MYO1H: variants seen among roughly 807,000 people sequenced by gnomAD.
MYO1H encodes the protein myosin IH, also known as unconventional myosin-Ih.
Under a neutral mutation model 149.3 loss-of-function variants are expected in MYO1H, and 118 were observed. That is an observed-to-expected ratio of 0.79 (90% CI 0.68 to 0.92). The LOEUF (loss-of-function observed/expected upper bound fraction) is 0.92. Ranked by LOEUF, MYO1H falls within the 40% of genes least tolerant of loss-of-function variation. The pLI is 0.00. For missense variants in MYO1H, 1,212 were observed against 1,280.7 expected, an observed-to-expected ratio of 0.95 and a Z score of 0.82; for synonymous variants, 447 against 465.2, an observed-to-expected ratio of 0.96 and a Z score of 0.50.
chr12:109,405,511 A>C (rs1173953996), intron 7 of MYO1H, among the ~76,000 whole-genome samples: 1 of 152,104 alleles, frequency 6.6e-6, no homozygotes, highest in Non-Finnish European at 1.5e-5. Context: ...GGGTTTCACC[A>C]TGTTGGCCAG....
At chr12:109,330,429 C>T in the MYO1H span, among the ~76,000 whole-genome samples, 1 of 152,122 alleles carries the variant, frequency 6.6e-6, no homozygotes, top group Non-Finnish European at 1.5e-5. Flanking sequence ...TCTGAATGTG[C>T]CTGATGGACA....
At chr12:109,395,960 C>A (rs1869880145) in intron 3 of MYO1H, among the ~76,000 whole-genome samples, 1 of 151,640 alleles carries the variant, frequency 6.6e-6, no homozygotes, top group Non-Finnish European at 1.5e-5. Flanking sequence ...GCTGTGTTGC[C>A]CAGCCTGGAG....
At chr12:109,325,722 C>T in the MYO1H span, among the ~76,000 whole-genome samples, 2 of 152,044 alleles carry the variant, frequency 1.3e-5, no homozygotes, top group Non-Finnish European at 2.9e-5. Context: ...GGAATTTAAA[C>T]AAATATACAA....
At chr12:109,413,039 C>T (rs1252583182) in intron 14 of MYO1H, among the ~76,000 whole-genome samples, 24 of 151,936 alleles carry the variant, frequency 1.6e-4, no homozygotes, top group African/African-American at 5.1e-4. Flanking sequence ...TGTAGTAGGG[C>T]GATCTCGGCT....
the MYO1H span, among the ~76,000 whole-genome samples, chr12:109,320,455 C>CAAAAAAAAAA: frequency 9.5e-5 from 6 of 63,324 alleles, no homozygotes; most frequent in African/African-American, 1.3e-4. Context: ...ATTAAAAATA[C>CAAAAAAAAAA]AAAAAAAAAA....
rs1377117036 is a variant in MYO1H at position 109,394,792 on chromosome 12, C to T, written c.290+1346C>T. On this transcript the variant is annotated intron_variant, in intron 3 of 31. Coordinates refer to ENST00000310903, the Ensembl canonical transcript of MYO1H. ...CCATATATATGTTGAGACAGGGTCT[C>T]GCTTTGTCACCCAGACTGGAGAGCA... is the stretch of plus-strand genomic sequence containing the variant. Among the ~76,000 whole-genome samples, 8 of 152,176 alleles carry T rather than the reference C, an allele frequency of 5.3e-5. No homozygotes were observed. In the South Asian group the frequency reaches 8.3e-4, roughly 16 times the overall value.
intron 7 of MYO1H, among the ~76,000 whole-genome samples, chr12:109,405,021 G>A (rs989924468): frequency 6.6e-6 from 1 of 151,844 alleles, no homozygotes; most frequent in African/African-American, 2.4e-5. Flanking sequence ...GACTAGCCTG[G>A]GGAACATAGT....
At chr12:109,407,848 A>G (rs1333452485) in exon 10 of MYO1H, 1 of 1,613,880 alleles carries the variant, frequency 6.2e-7, no homozygotes, top group Admixed American at 1.7e-5. Flanking sequence ...TGCAATGGCA[A>G]AGGCTGTTTA....
At position 109,388,194 on chromosome 12, in the gene MYO1H, AG is replaced by A. The variant is rs367653918; in HGVS notation, c.13-488del. Among the ~76,000 whole-genome samples the A allele has an allele frequency of 2.3e-3, 315 of 138,126 alleles. 2 individuals are homozygous for A. The highest frequency in any genetic ancestry group is 9.9e-3 in the African/African-American group (277 of 28,112). The allele number at this position is 138,126 out of a possible 152,430, so 90.6% of individuals were successfully genotyped here. On this transcript the variant is annotated intron_variant, in intron 1 of 31. Transcript: ENST00000310903. ...ATAAAGAAAAATTAATTTTAAAAAA[AG>A]AAAAAATTCAAGCTTGACTAATCAA...
At chr12:109,375,241 C>T (rs577386213) in intron 1 of MYO1H, among the ~76,000 whole-genome samples, 3 of 151,912 alleles carry the variant, frequency 2.0e-5, no homozygotes, top group Non-Finnish European at 4.4e-5. Flanking sequence ...CAGCCTCCAC[C>T]TCCCAGGCTC....
At position 109,439,743 on chromosome 12, in the gene MYO1H, A is replaced by G. The variant is rs745875636; in HGVS notation, c.2407A>G (p.Thr803Ala). 3.1e-6 allele frequency: 5 copies of G among 1,614,004 alleles called. No homozygotes were observed. In the South Asian group the frequency reaches 3.3e-5, roughly 11 times the overall value. Residue 803 changes from threonine (T) to alanine (A), a missense_variant, in exon 24 of 32, where the codon ACT (threonine) becomes GCT (alanine). Transcript: ENST00000310903. ...GAATCTCCGGTATCACCTTCCAAAG[A>G]CTGTCCTGGACAAGAGCTGGCTGAG...
At chr12:109,330,184 A>G in the MYO1H span, among the ~76,000 whole-genome samples, 2 of 152,190 alleles carry the variant, frequency 1.3e-5, no homozygotes, top group African/African-American at 2.4e-5. Context: ...GAGAGGGTAT[A>G]TGGAACTGCC....
chr12:109,327,774 A>C, the MYO1H span, among the ~76,000 whole-genome samples: 1 of 151,298 alleles, frequency 6.6e-6, no homozygotes, highest in Non-Finnish European at 1.5e-5. Context: ...AAAAAAAGAA[A>C]AAGTGCCTCT....
chr12:109,381,970 A>T (rs1009660495), intron 1 of MYO1H, among the ~76,000 whole-genome samples: 2 of 152,240 alleles, frequency 1.3e-5, no homozygotes, highest in Non-Finnish European at 2.9e-5. Flanking sequence ...TCAAACATTT[A>T]TCCTGCCTTT....
intron 2 of MYO1H, among the ~76,000 whole-genome samples, chr12:109,392,917 C>A (rs1421124910): frequency 6.6e-6 from 1 of 151,794 alleles, no homozygotes; most frequent in Admixed American, 6.6e-5. Flanking sequence ...TCAAGAGATT[C>A]TCCTGCCTCC....
rs1277046295 is a variant in MYO1H, at chr12:109,358,850, A to T, written c.12+10878A>T. ...GGGGGAAGCATCCTGTGGTGTTAAA[A>T]AAAAAAAAAAAAAAAAAAAAGGCTC... On this transcript the variant is annotated intron_variant, in intron 1 of 31. Transcript: ENST00000310903. Among the ~76,000 whole-genome samples the T allele has an allele frequency of 2.3e-3, 211 of 90,042 alleles. 2 individuals are homozygous for T. Among genetic ancestry groups the T allele is most frequent in the African/African-American group, 6.5e-3 (203 of 31,242 alleles). The allele number at this position is 90,042 out of a possible 152,430, so 59.1% of individuals were successfully genotyped here.
intron 1 of MYO1H, chr12:109,359,231 G>A (rs1242382069): frequency 6.6e-6 from 1 of 152,128 alleles, no homozygotes. Context: ...CTGACATGCT[G>A]AATGGACCCT....
rs190855984 is a variant in MYO1H at position 109,443,999 on chromosome 12, C to A, written c.2825-214C>A. 2.5e-3 allele frequency among the ~76,000 whole-genome samples: 383 copies of A among 152,272 alleles called. 4 individuals carry two copies. Among genetic ancestry groups the A allele is most frequent in the African/African-American group, 8.8e-3 (366 of 41,558 alleles). On this transcript the variant is annotated intron_variant, in intron 28 of 31. Coordinates refer to ENST00000310903, the Ensembl canonical transcript of MYO1H. ...TCTGGCATAAATATTAATAGCACCA[C>A]TTTACTCAAGTACCCAGGTTGGGCA...
chr12:109,441,472 A>G, intron 25 of MYO1H, 143 bp from the exon 26 acceptor site: 1 of 494,788 alleles, frequency 2.0e-6, no homozygotes, highest in South Asian at 3.5e-5. Context: ...AAAGCCAGGA[A>G]GGTGTTCTGA....
Sources: allele counts gnomAD v4.1 joint callset (sites outside exome capture counted in the v4.1 genomes callset), GRCh38; gene constraint gnomAD v4.1.1; transcripts MANE v1.5; gene names NCBI Gene and HGNC (gene_info 2026-07-23, HGNC 2026-07-21).